Variants in DENND1B observed in about 807,000 individuals in gnomAD.
DENND1B encodes the protein DENN domain containing 1B.
A neutral mutation model predicts 90.1 loss-of-function variants in DENND1B; 59 were observed. That is an observed-to-expected ratio of 0.65 (90% confidence interval 0.53 to 0.81). The LOEUF is 0.81. Among genes scored for constraint, DENND1B ranks in the 40% least tolerant of loss-of-function variants. DENND1B has a pLI of 0.00. For missense variants in DENND1B, 862 were observed against 912.6 expected (o/e 0.94, Z 0.71); for synonymous variants, 337 against 324.6 (o/e 1.04, Z -0.41).
At chr1:197,610,726 T>C (rs796339843) in intron 12 of DENND1B, among the ~76,000 whole-genome samples, 90 of 150,886 alleles carry the variant, frequency 6.0e-4, no homozygotes, top group African/African-American at 2.0e-3. Context: ...CATATTTTAT[T>C]TTATGTAATT....
intron 3 of DENND1B, among the ~76,000 whole-genome samples, chr1:197,714,107 G>A (rs1439575966): frequency 6.7e-6 from 1 of 149,398 alleles, no homozygotes; most frequent in Non-Finnish European, 1.5e-5. Context: ...CTCCCAAGTA[G>A]CTGAGATTAC....
At chr1:197,701,086 C>T (rs758238040) in intron 3 of DENND1B, among the ~76,000 whole-genome samples, 1 of 152,132 alleles carries the variant, frequency 6.6e-6, no homozygotes, top group Non-Finnish European at 1.5e-5. Flanking sequence ...TAAGCATATA[C>T]CCAAAGGAAT....
At chr1:197,515,213 A>G (rs1395435820) in intron 20 of DENND1B, among the ~76,000 whole-genome samples, 2 of 151,728 alleles carry the variant, frequency 1.3e-5, no homozygotes, top group Non-Finnish European at 3.0e-5. Flanking sequence ...ATATGCTCTT[A>G]TAACCCCTAC....
intron 2 of DENND1B, among the ~76,000 whole-genome samples, chr1:197,758,127 TG>T (rs61408224): frequency 0.017 from 2,640 of 152,352 alleles, 70 homozygotes; most frequent in African/African-American, 0.058. Flanking sequence ...TTGACCTCTC[TG>T]GACCTCACCA....
intron 18 of DENND1B, among the ~76,000 whole-genome samples, chr1:197,544,217 C>G (rs1374697778): frequency 6.6e-6 from 1 of 151,894 alleles, no homozygotes; most frequent in Non-Finnish European, 1.5e-5. Flanking sequence ...TTTTTGTGTA[C>G]GGTTCAGAAA....
chr1:197,744,948 T>G (rs771243409), intron 2 of DENND1B, among the ~76,000 whole-genome samples: 41 of 152,228 alleles, frequency 2.7e-4, no homozygotes, highest in Non-Finnish European at 4.8e-4. Flanking sequence ...CAGAGATGGC[T>G]TCTTTCCTTA....
chr1:197,581,380 T>G (rs1674224038), intron 15 of DENND1B, among the ~76,000 whole-genome samples: 1 of 152,188 alleles, frequency 6.6e-6, no homozygotes, highest in African/African-American at 2.4e-5. Context: ...ATATTTTACA[T>G]TTAACGTCCT....
intron 10 of DENND1B, among the ~76,000 whole-genome samples, chr1:197,642,436 A>G (rs1680343937): frequency 6.6e-6 from 1 of 152,190 alleles, no homozygotes; most frequent in Admixed American, 6.5e-5. Flanking sequence ...TTTATATGGT[A>G]GAAGGCACTA....
chr1:197,708,140 G>T (rs562039749), intron 3 of DENND1B, among the ~76,000 whole-genome samples: 1 of 100,476 alleles, frequency 1.0e-5, no homozygotes, highest in Non-Finnish European at 1.9e-5. Context: ...AGGCGGCAAC[G>T]AGGCTGGGGG....
At chr1:197,527,135 T>C (rs901399427) in intron 20 of DENND1B, among the ~76,000 whole-genome samples, 6 of 152,138 alleles carry the variant, frequency 3.9e-5, no homozygotes, top group Non-Finnish European at 8.8e-5. Context: ...AAAGATCAAT[T>C]TATAAATTAT....
At chr1:197,535,893 A>G (rs778939903) in intron 20 of DENND1B, among the ~76,000 whole-genome samples, 1 of 152,160 alleles carries the variant, frequency 6.6e-6, no homozygotes, top group South Asian at 2.1e-4. Flanking sequence ...CTGAGGGCCT[A>G]TAAGATCTGT....
intron 15 of DENND1B, among the ~76,000 whole-genome samples, chr1:197,577,343 C>T (rs1673774188): frequency 6.6e-6 from 1 of 152,098 alleles, no homozygotes; most frequent in Non-Finnish European, 1.5e-5. Context: ...ATGCAGAATG[C>T]TTCCTAAAAT....
At position 197,523,832 on chromosome 1, in the gene DENND1B, C is replaced by T. The variant is rs369065408; in HGVS notation, c.1516-10879G>A. 3.3e-5 allele frequency among the ~76,000 whole-genome samples: 5 copies of T among 152,170 alleles called. No homozygotes were observed. The East Asian group carries it at 5.8e-4, about 18-fold the overall frequency. ...ATTTCTGGGTGTAAATGCTGTTTAA[C>T]TCTTTCTATACATGGGGTCCATTGT... is the stretch of plus-strand genomic sequence containing the variant. On this transcript the variant is annotated intron_variant, in intron 20 of 22. Coordinates refer to ENST00000620048, the MANE Select transcript of DENND1B (RefSeq NM_001195215.2).
chr1:197,626,367 C>A (rs1254157782), intron 10 of DENND1B, among the ~76,000 whole-genome samples: 1 of 152,182 alleles, frequency 6.6e-6, no homozygotes, highest in African/African-American at 2.4e-5. Flanking sequence ...GATTAAGAAA[C>A]TCACTCAAAA....
At chr1:197,580,377 T>C (rs780146302) in intron 15 of DENND1B, among the ~76,000 whole-genome samples, 3 of 151,344 alleles carry the variant, frequency 2.0e-5, no homozygotes, top group Non-Finnish European at 4.4e-5. Flanking sequence ...GGATTACAGG[T>C]ACCTGTTGCT....
chr1:197,681,658 A>G (rs1656705045), intron 3 of DENND1B, among the ~76,000 whole-genome samples: 2 of 152,180 alleles, frequency 1.3e-5, no homozygotes, highest in South Asian at 4.1e-4. Flanking sequence ...TCCTTTTTCT[A>G]TCATTGCCTT....
intron 5 of DENND1B, among the ~76,000 whole-genome samples, chr1:197,660,866 T>C (rs1250535264): frequency 1.3e-5 from 2 of 151,634 alleles, no homozygotes; most frequent in African/African-American, 2.4e-5. Flanking sequence ...ATGGCTAAAA[T>C]AAAATAAAGG....
In DENND1B at chr1:197,510,121, T is replaced by C. The variant is rs1265695883; in HGVS notation, c.*339A>G. 4.5e-6 allele frequency: 1 copy of C among 223,872 alleles called. No homozygotes were observed. Among genetic ancestry groups the C allele is most frequent in the Non-Finnish European group, 8.8e-6 (1 of 113,476 alleles). The allele number at this position is 223,872 out of a possible 1,614,324, so 13.9% of individuals were successfully genotyped here. A position where few individuals can be genotyped will look rare whatever the true frequency, so the allele number is the denominator to read the frequency against. On this transcript the variant is annotated 3_prime_UTR_variant, in exon 23 of 23. Coordinates refer to ENST00000620048, the MANE Select transcript of DENND1B (RefSeq NM_001195215.2). The stretch of plus-strand genomic sequence containing the variant: ...CTTGATCAGTTCATGCTCAACCAGA[T>C]TAGTATAGTAGCTACTGGTTATGTG...
chr1:197,530,515 C>G (rs777709604), intron 20 of DENND1B, among the ~76,000 whole-genome samples: 2 of 152,062 alleles, frequency 1.3e-5, no homozygotes, highest in Admixed American at 6.5e-5. Context: ...TTTCTTGGTA[C>G]AATAAGTTTT....
Sources: gnomAD v4.1 joint callset for allele counts (sites outside exome capture counted in the v4.1 genomes callset) on GRCh38, gnomAD v4.1.1 for gene constraint, MANE v1.5 for transcripts, NCBI Gene and HGNC (gene_info 2026-07-23, HGNC 2026-07-21) for gene names.